C10orf90: variants seen among roughly 807,000 people sequenced by gnomAD.
C10orf90 encodes chromosome 10 open reading frame 90.
C10orf90 carries 56 observed loss-of-function variants against 62.5 expected under a neutral mutation model. That is an observed-to-expected ratio of 0.90 (90% CI 0.72 to 1.12). The LOEUF is 1.12. C10orf90 is among the 50% of genes most tolerant of loss of function. The pLI, the probability that C10orf90 is intolerant of heterozygous loss-of-function variation, is 0.00. For missense variants in C10orf90, 970 were observed against 880.4 expected (o/e 1.10, Z -1.29); for synonymous variants, 386 against 340.4 (o/e 1.13, Z -1.47).
intron 2 of C10orf90, among the ~76,000 whole-genome samples, chr10:126,521,633 TGA>T (rs1268027863): frequency 2.4e-4 from 37 of 152,334 alleles, no homozygotes; most frequent in African/African-American, 7.9e-4. Flanking sequence ...CAAGTTTGCA[TGA>T]GAGTTATTTA....
intron 7 of C10orf90, among the ~76,000 whole-genome samples, chr10:126,449,854 G>A (rs187387117): frequency 6.6e-4 from 100 of 152,024 alleles, no homozygotes; most frequent in African/African-American, 2.1e-3. Context: ...AAAATTAGCC[G>A]GGCATGGTGG....
At chr10:126,565,170 ACAT>A in intron 2 of C10orf90, among the ~76,000 whole-genome samples, 1 of 69,682 alleles carries the variant, frequency 1.4e-5, no homozygotes, top group African/African-American at 5.5e-5. Flanking sequence ...TATTTATATT[ACAT>A]ATTATGTAAT....
rs1442243712 is a variant in C10orf90 at position 126,670,459 on chromosome 10, T to A, written c.22A>T (p.Thr8Ser). The A allele has an allele frequency of 2.2e-6, 1 of 456,714 alleles. No individual in the cohort carries two copies. Among genetic ancestry groups the A allele is most frequent in the Admixed American group, 2.3e-5 (1 of 42,574 alleles). The allele number at this position is 456,714 out of a possible 1,614,324, so 28.3% of individuals were successfully genotyped here. Residue 8 changes from threonine to serine, a missense_variant, in exon 1 of 10, where the codon ACA (threonine) becomes TCA (serine). Transcript: ENST00000488181. Reference sequence around the variant, plus strand: ...GCATACCCCTGCGGATGAGTTTTTGTAGGAATTCCAGAGTGCTGCATGAGA... The same window carrying A: ...GCATACCCCTGCGGATGAGTTTTTGAAGGAATTCCAGAGTGCTGCATGAGA... MQHSGIP[T>S]KTHPQGYAAR... is the part of the protein sequence containing the mutation.
At position 126,532,271 on chromosome 10, in the gene C10orf90, G is replaced by A. The variant is rs572741593; in HGVS notation, c.314-18332C>T. Among the ~76,000 whole-genome samples the A allele has an allele frequency of 6.6e-4, 101 of 152,246 alleles. 2 individuals carry two copies. The highest frequency in any genetic ancestry group is 1.1e-3 in the Non-Finnish European group (72 of 68,024). On this transcript the variant is annotated intron_variant, in intron 2 of 9. Coordinates refer to ENST00000488181, the MANE Select transcript of C10orf90 (RefSeq NM_001350921.2). ...AACTTTGTGATGATCCTCTTGGGCG[G>A]TATCAAATGCTCAGTGTGTAAACTG...
Position 126,612,671 on chromosome 10 carries a change from C to A in C10orf90, c.313+33894G>T, listed in dbSNP as rs570258130. 5.9e-5 allele frequency among the ~76,000 whole-genome samples: 9 copies of A among 152,300 alleles called. No individual in the cohort carries two copies. In the East Asian group the frequency reaches 1.7e-3, roughly 29 times the overall value. On this transcript the variant is annotated intron_variant, in intron 2 of 9. Coordinates refer to ENST00000488181, the MANE Select transcript of C10orf90 (RefSeq NM_001350921.2). ...CAGGTGGACTATCGTGTTTTCCAAT[C>A]AGTTCAAGAACATGTAAGCTATGAT...
At chr10:126,578,280 G>C (rs192715320) in intron 2 of C10orf90, among the ~76,000 whole-genome samples, 2 of 151,310 alleles carry the variant, frequency 1.3e-5, no homozygotes, top group Admixed American at 1.3e-4. Context: ...GAACTCTCGC[G>C]AATTAGTAAT....
At chr10:126,591,065 C>CA (rs996046604) in intron 2 of C10orf90, among the ~76,000 whole-genome samples, 1 of 151,878 alleles carries the variant, frequency 6.6e-6, no homozygotes, top group Non-Finnish European at 1.5e-5. Flanking sequence ...GGCTACCAAC[C>CA]AAAAAAACAG....
intron 7 of C10orf90, 29 bp downstream of exon 7, chr10:126,459,011 C>T: frequency 6.3e-7 from 1 of 1,597,638 alleles, no homozygotes; most frequent in South Asian, 1.1e-5. Flanking sequence ...CTGGTCTTTT[C>T]CAGTCTCCAC....
At chr10:126,518,026 C>A (rs536593416) in intron 2 of C10orf90, among the ~76,000 whole-genome samples, 1 of 150,604 alleles carries the variant, frequency 6.6e-6, no homozygotes, top group South Asian at 2.1e-4. Context: ...TTGGCTCTTT[C>A]CCCTTCCTTA....
At chr10:126,625,730 T>C (rs1845728963) in intron 2 of C10orf90, among the ~76,000 whole-genome samples, 1 of 152,236 alleles carries the variant, frequency 6.6e-6, no homozygotes, top group Non-Finnish European at 1.5e-5. Flanking sequence ...AAATCTAACT[T>C]TATTCCTTTA....
At chr10:126,581,568 C>A (rs974980874) in intron 2 of C10orf90, among the ~76,000 whole-genome samples, 24 of 152,116 alleles carry the variant, frequency 1.6e-4, no homozygotes, top group Admixed American at 1.6e-3. Flanking sequence ...AGACCTTTGC[C>A]TTTCATCTTT....
chr10:126,530,752 C>T (rs1439399431), intron 2 of C10orf90, among the ~76,000 whole-genome samples: 3 of 151,924 alleles, frequency 2.0e-5, no homozygotes, highest in African/African-American at 7.3e-5. Context: ...AGGAAGAAAA[C>T]ATGCCAACCC....
chr10:126,521,555 G>A (rs1171624926), intron 2 of C10orf90: 2 of 979,180 alleles, frequency 2.0e-6, no homozygotes, highest in African/African-American at 1.7e-5. Flanking sequence ...AGCCCACCTT[G>A]TGACATTTCT....
intron 2 of C10orf90, among the ~76,000 whole-genome samples, chr10:126,581,023 G>C (rs1021488444): frequency 2.0e-5 from 3 of 152,148 alleles, no homozygotes; most frequent in Non-Finnish European, 2.9e-5. Context: ...AAAACTACAA[G>C]TGTCCAACCA....
intron 2 of C10orf90, among the ~76,000 whole-genome samples, chr10:126,572,331 T>C (rs1263095997): frequency 2.0e-5 from 3 of 152,212 alleles, no homozygotes; most frequent in Non-Finnish European, 4.4e-5. Flanking sequence ...CTTGCGCAAG[T>C]AAGAATTTAG....
intron 1 of C10orf90, among the ~76,000 whole-genome samples, chr10:126,662,717 C>T (rs956397103): frequency 6.6e-6 from 1 of 150,806 alleles, no homozygotes; most frequent in African/African-American, 2.4e-5. Flanking sequence ...AGGTCTCCTC[C>T]ATGCATTCTT....
intron 7 of C10orf90, among the ~76,000 whole-genome samples, chr10:126,448,017 CTTTTTTTTTT>C (rs1186409126): frequency 6.3e-5 from 5 of 79,216 alleles, no homozygotes; most frequent in South Asian, 5.9e-4. Flanking sequence ...ATGCCTGGCT[CTTTTTTTTTT>C]TTTTTTTTTT....
intron 2 of C10orf90, among the ~76,000 whole-genome samples, chr10:126,549,937 A>T (rs906921796): frequency 6.6e-6 from 1 of 150,822 alleles, no homozygotes; most frequent in Non-Finnish European, 1.5e-5. Context: ...GCTACATGCT[A>T]TACAATTCTG....
intron 2 of C10orf90, among the ~76,000 whole-genome samples, chr10:126,572,797 G>T (rs999690780): frequency 5.3e-5 from 8 of 151,986 alleles, no homozygotes; most frequent in African/African-American, 1.9e-4. Flanking sequence ...AGTTGCTATG[G>T]TTCACATGCC....
Sources: gnomAD v4.1 joint callset for allele counts (sites outside exome capture counted in the v4.1 genomes callset) on GRCh38, gnomAD v4.1.1 for gene constraint, MANE v1.5 for transcripts, NCBI Gene and HGNC (gene_info 2026-07-23, HGNC 2026-07-21) for gene names.